The following ZSCAN1 variants were observed in gnomAD, a reference collection of about 807,000 sequenced individuals.
The protein encoded by ZSCAN1 is zinc finger and SCAN domain-containing protein 1.
ZSCAN1 carries 23 observed loss-of-function variants against 23.8 expected under a neutral mutation model. The ratio of observed to expected loss-of-function variants is 0.97; its 90% CI spans 0.70 to 1.37. The LOEUF (loss-of-function observed/expected upper bound fraction) is 1.37. Among genes scored for constraint, ZSCAN1 ranks in the 40% most tolerant of loss-of-function variants. The probability of loss-of-function intolerance (pLI) is 0.00; values close to 1 mark genes in which losing one functional copy is unlikely to be tolerated. For missense variants in ZSCAN1, 575 were observed against 554.0 expected, an observed-to-expected ratio of 1.04 and a Z score of -0.38; for synonymous variants, 236 against 232.3, an observed-to-expected ratio of 1.02 and a Z score of -0.15.
At chr19:58,046,641 G>C in intron 4 of ZSCAN1, 2 of 870,352 alleles carry the variant, frequency 2.3e-6, no homozygotes, top group East Asian at 4.8e-5. Context: ...AGGTGATTGA[G>C]CTGGTGGACA....
intron 4 of ZSCAN1, among the ~76,000 whole-genome samples, chr19:58,052,086 A>G (rs1199694126): frequency 1.3e-5 from 2 of 152,208 alleles, no homozygotes; most frequent in Non-Finnish European, 2.9e-5. Flanking sequence ...CCAGCTTGTA[A>G]CAGTGACCCG....
chr19:58,052,955 A>T (rs1248402601), intron 5 of ZSCAN1, among the ~76,000 whole-genome samples: 1 of 120,448 alleles, frequency 8.3e-6, no homozygotes, highest in Non-Finnish European at 1.7e-5. Context: ...CTCCCAAAAC[A>T]TGTGCCTTTT....
At chr19:58,055,438 C>A (rs1361828392), downstream of ZSCAN1, among the ~76,000 whole-genome samples, 1 of 152,242 alleles carries the variant, frequency 6.6e-6, no homozygotes, top group Non-Finnish European at 1.5e-5. Context: ...CTTTTCCCTG[C>A]AGTCCCCACT....
At position 58,045,024 on chromosome 19, in the gene ZSCAN1, G is replaced by C. The variant is rs536483829; in HGVS notation, c.465+4480G>C. On this transcript the variant is annotated intron_variant, in intron 4 of 5. Coordinates refer to ENST00000282326, the MANE Select transcript of ZSCAN1 (RefSeq NM_182572.4). This position sits in a 1 kb window ranked among gnomAD's most constrained non-coding sequence, Gnocchi z 4.3. ...GCCCTGTGTACAGCGCCCCCGCAGA[G>C]ATGGTGGTGAAGTCCCGGGGGCAGA... 68 of 1,140,170 alleles carry C rather than the reference G, an allele frequency of 6.0e-5. No individual in the cohort carries two copies. Among genetic ancestry groups the C allele is most frequent in the African/African-American group, 9.1e-5 (6 of 66,006 alleles). The allele number at this position is 1,140,170 out of a possible 1,614,324, so 70.6% of individuals were successfully genotyped here.
At chr19:58,048,131 G>A (rs2073837796) in intron 4 of ZSCAN1, among the ~76,000 whole-genome samples, 1 of 152,204 alleles carries the variant, frequency 6.6e-6, no homozygotes, top group African/African-American at 2.4e-5. Context: ...GACAAAATAG[G>A]AACAGGAGAT....
Position 58,037,874 on chromosome 19 carries a change from G to GCCCCCAGACC in ZSCAN1, c.41_50dup (p.Thr18ProfsTer7). 1 of 1,175,040 alleles carries GCCCCCAGACC rather than the reference G, an allele frequency of 8.5e-7. No homozygotes were observed. Among genetic ancestry groups the GCCCCCAGACC allele is most frequent in the Non-Finnish European group, 1.2e-6 (1 of 868,322 alleles). The allele number at this position is 1,175,040 out of a possible 1,614,324, so 72.8% of individuals were successfully genotyped here. A position where few individuals can be genotyped will look rare whatever the true frequency, so the allele number is the denominator to read the frequency against. ...CCCAAAGCCCCTGCCTCCCCCAGAC[G>GCCCCCAGACC]CCCCCAGACCCCAACCCCGAGTGAG... is the stretch of plus-strand genomic sequence containing the variant. On this transcript the variant is annotated frameshift_variant, in exon 3 of 6. Transcript: ENST00000282326. LOFTEE classifies it high-confidence loss of function.
Position 58,045,687 on chromosome 19 carries a change from G to A in ZSCAN1, c.465+5143G>A. ...GGGTGGACAGCCTGAACGTCAAGGA[G>A]CTGCAGGCGGCATGTCGGGCACGAG... On this transcript the variant is annotated intron_variant, in intron 4 of 5. Transcript: ENST00000282326. The surrounding 1 kb of genome is among the most constrained non-coding windows in gnomAD (Gnocchi z 4.3). The A allele has an allele frequency of 1.1e-6, 1 of 926,638 alleles. No homozygotes were observed. The highest frequency in any genetic ancestry group is 1.8e-5 in the Admixed American group (1 of 56,854). 57.4% of individuals were successfully genotyped at this position (926,638 alleles called of 1,614,324 possible).
intron 4 of ZSCAN1, among the ~76,000 whole-genome samples, chr19:58,042,417 C>T (rs2073796397): frequency 6.6e-6 from 1 of 151,510 alleles, no homozygotes; most frequent in Non-Finnish European, 1.5e-5. Context: ...GCCACCTCCC[C>T]GGCTAATTTT....
chr19:58,038,362 T>C, intron 3 of ZSCAN1, 156 bp downstream of exon 3: 1 of 972,378 alleles, frequency 1.0e-6, no homozygotes, highest in Non-Finnish European at 1.5e-6. Context: ...TTTTAATTAT[T>C]TTTACATATA....
Position 58,037,717 on chromosome 19 carries a change from CCT to C in ZSCAN1, c.-109-6_-109-5del, listed in dbSNP as rs2073747989. The C allele has an allele frequency of 7.8e-6, 10 of 1,283,056 alleles. No homozygotes were observed. Among genetic ancestry groups the C allele is most frequent in the African/African-American group, 1.5e-5 (1 of 66,492 alleles). 79.5% of individuals were successfully genotyped at this position (1,283,056 alleles called of 1,614,324 possible). On this transcript the variant is annotated splice_polypyrimidine_tract_variant and intron_variant, in intron 2 of 5. Transcript: ENST00000282326. ...CTGATGTGACCCCTCTGTCCCTGCC[CCT>C]CTCTGCAGGCCCCTGATTGCTGATT...
Position 58,037,737 on chromosome 19 carries a change from T to G in ZSCAN1, c.-100T>G, listed in dbSNP as rs948093504. The G allele has an allele frequency of 1.4e-6, 2 of 1,393,952 alleles. No individual in the cohort carries two copies. The highest frequency in any genetic ancestry group is 1.9e-6 in the Non-Finnish European group (2 of 1,064,912). The allele number at this position is 1,393,952 out of a possible 1,614,324, so 86.3% of individuals were successfully genotyped here. On this transcript the variant is annotated 5_prime_UTR_variant, in exon 3 of 6. The change creates a new upstream start codon in the 5' untranslated region. Coordinates refer to ENST00000282326, the MANE Select transcript of ZSCAN1 (RefSeq NM_182572.4). Reference sequence around the variant, plus strand: ...CTGCCCCTCTCTGCAGGCCCCTGATTGCTGATTCTGTCCGCCTGCCACACC... The same window carrying G: ...CTGCCCCTCTCTGCAGGCCCCTGATGGCTGATTCTGTCCGCCTGCCACACC...
chr19:58,035,785 C>T (rs541712887), intron 1 of ZSCAN1, among the ~76,000 whole-genome samples, 185 bp from the exon 2 acceptor site: 13 of 152,268 alleles, frequency 8.5e-5, no homozygotes, highest in Admixed American at 3.9e-4. Flanking sequence ...CTGCACCTCT[C>T]CTTTCTCCTG....
rs961591636 is a variant in ZSCAN1 at position 58,045,674 on chromosome 19, T to C, written c.465+5130T>C. ...TTTGCTGAGGAAGGGGTGGACAGCC[T>C]GAACGTCAAGGAGCTGCAGGCGGCA... On this transcript the variant is annotated intron_variant, in intron 4 of 5. Transcript: ENST00000282326. The surrounding 1 kb of genome is among the most constrained non-coding windows in gnomAD (Gnocchi z 4.3). 72 of 925,930 alleles carry C rather than the reference T, an allele frequency of 7.8e-5. 1 individual carries two copies. The highest frequency in any genetic ancestry group is 4.6e-4 in the South Asian group (35 of 76,406). The allele number at this position is 925,930 out of a possible 1,614,324, so 57.4% of individuals were successfully genotyped here.
chr19:58,044,663 C>A, intron 4 of ZSCAN1: 1 of 862,832 alleles, frequency 1.2e-6, no homozygotes. Context: ...GGTCACCGCC[C>A]CGCGGGGTAG....
At chr19:58,041,159 T>C (rs940056306) in intron 4 of ZSCAN1, among the ~76,000 whole-genome samples, 2 of 152,250 alleles carry the variant, frequency 1.3e-5, no homozygotes, top group African/African-American at 4.8e-5. Context: ...TCAGGGCTAC[T>C]GAGTTTGACC....
intron 4 of ZSCAN1, chr19:58,046,849 A>T: frequency 1.5e-6 from 1 of 668,896 alleles, no homozygotes; most frequent in African/African-American, 1.8e-5. Flanking sequence ...GGTGATTCTT[A>T]GTGGCTCATC....
In ZSCAN1 at chr19:58,040,500, G is replaced by C; in HGVS notation, c.421G>C (p.Glu141Gln). The C allele has an allele frequency of 6.2e-7, 1 of 1,613,644 alleles. No individual in the cohort carries two copies. Among genetic ancestry groups the C allele is most frequent in the Non-Finnish European group, 8.5e-7 (1 of 1,179,998 alleles). The change falls in exon 4 of 6, where the codon GAG becomes CAG. Residue 141 changes from glutamate to glutamine, a missense_variant. Coordinates refer to ENST00000282326, the MANE Select transcript of ZSCAN1 (RefSeq NM_182572.4). This position sits in a 1 kb window ranked among gnomAD's most constrained non-coding sequence, Gnocchi z 5.8. The stretch of plus-strand genomic sequence containing the variant: ...ACCCCAGGACTGGAGTTTCGGTGAG[G>C]AGGAAGATGGGAAGAGTCCAAGGTC... ...VEPQDWSFGE[E>Q]EDGKSPRSQK...
In ZSCAN1 at chr19:58,053,848, C is replaced by T. The variant is rs1234023191; in HGVS notation, c.1024C>T (p.His342Tyr). 1.2e-6 allele frequency: 2 copies of T among 1,613,898 alleles called. No homozygotes were observed. The highest frequency in any genetic ancestry group is 1.7e-6 in the Non-Finnish European group (2 of 1,179,932). Reference protein sequence around the residue: ...NSVLTEHGKIHLLEPPRKKAP... With the variant: ...NSVLTEHGKIYLLEPPRKKAP... Reference sequence around the variant, plus strand: ...CGTCCTCACTGAGCATGGCAAGATCCACCTGCTGGAGCCACCGAGGAAGAA... The same window carrying T: ...CGTCCTCACTGAGCATGGCAAGATCTACCTGCTGGAGCCACCGAGGAAGAA... The change falls in exon 6 of 6, where the codon CAC (histidine) becomes TAC (tyrosine). Residue 342 changes from histidine to tyrosine, a missense_variant. Transcript: ENST00000282326. This position sits in a 1 kb window ranked among gnomAD's most constrained non-coding sequence, Gnocchi z 5.8.
intron 2 of ZSCAN1, among the ~76,000 whole-genome samples, chr19:58,037,469 A>T (rs2073745978): frequency 8.5e-5 from 2 of 23,506 alleles, no homozygotes; most frequent in South Asian, 1.3e-3. Flanking sequence ...GACATCTGCG[A>T]GGGGAGGAGC....
Sources: gnomAD v4.1 joint callset for allele counts (sites outside exome capture counted in the v4.1 genomes callset) on GRCh38, gnomAD v4.1.1 for gene constraint, Gnocchi (gnomAD v3.1) non-coding constraint, MANE v1.5 for transcripts, NCBI Gene and HGNC (gene_info 2026-07-23, HGNC 2026-07-21) for gene names.